SYT6: variants seen among roughly 807,000 people sequenced by gnomAD.
SYT6 encodes the protein synaptotagmin 6, also known as synaptotagmin-6.
Under a neutral mutation model 38.4 loss-of-function variants are expected in SYT6, and 24 were observed. The ratio of observed to expected loss-of-function variants is 0.62; its 90% CI spans 0.45 to 0.88. The LOEUF is 0.88. Among genes scored for constraint, SYT6 ranks in the 40% least tolerant of loss-of-function variants. The probability of loss-of-function intolerance (pLI) is 0.00; values close to 1 mark genes in which losing one functional copy is unlikely to be tolerated. For synonymous variants in SYT6, 265 were observed against 241.9 expected (o/e 1.10, Z -0.89); for missense variants, 611 against 621.0 (o/e 0.98, Z 0.17).
intron 1 of SYT6, among the ~76,000 whole-genome samples, chr1:114,149,624 T>A (rs1679343711): frequency 6.6e-6 from 1 of 152,126 alleles, no homozygotes; most frequent in African/African-American, 2.4e-5. Context: ...GGCACTAATT[T>A]AACAATTATT....
intron 3 of SYT6, among the ~76,000 whole-genome samples, chr1:114,128,437 C>T (rs908068684): frequency 5.9e-5 from 9 of 152,206 alleles, no homozygotes; most frequent in African/African-American, 2.2e-4. Flanking sequence ...TAAGCTATGG[C>T]CCATATATGG....
chr1:114,145,575 G>A (rs1222144439), intron 1 of SYT6, among the ~76,000 whole-genome samples: 2 of 146,840 alleles, frequency 1.4e-5, no homozygotes, highest in Admixed American at 6.9e-5. Flanking sequence ...TCTTTCTTCA[G>A]GTCTTTATCC....
chr1:114,120,212 AC>A (rs1677307940), intron 3 of SYT6, among the ~76,000 whole-genome samples: 1 of 152,230 alleles, frequency 6.6e-6, no homozygotes, highest in Non-Finnish European at 1.5e-5. Context: ...GAATTCAAAG[AC>A]CACACTATGA....
chr1:114,097,948 G>C (rs775250027), intron 5 of SYT6, 71 bp from the exon 6 acceptor site: 13 of 1,573,142 alleles, frequency 8.3e-6, no homozygotes, highest in Non-Finnish European at 1.1e-5. Flanking sequence ...CAGTGTGGGG[G>C]GTGGTAGGAC....
At chr1:114,117,793 TG>T (rs1168479339) in intron 3 of SYT6, among the ~76,000 whole-genome samples, 2 of 152,218 alleles carry the variant, frequency 1.3e-5, no homozygotes, top group East Asian at 3.8e-4. Context: ...TAGAATGATA[TG>T]GGGCAAGTCA....
At chr1:114,153,163 G>A (rs1052503261) in intron 1 of SYT6, among the ~76,000 whole-genome samples, 5 of 152,210 alleles carry the variant, frequency 3.3e-5, no homozygotes, top group African/African-American at 1.2e-4. Context: ...ACACACAAAC[G>A]GACGGACAGA....
chr1:114,151,018 G>A (rs1330307750), intron 1 of SYT6, among the ~76,000 whole-genome samples: 1 of 152,152 alleles, frequency 6.6e-6, no homozygotes, highest in African/African-American at 2.4e-5. Flanking sequence ...GGTAAACAGA[G>A]CTGGGCCTGC....
chr1:114,090,286 G>A lies in SYT6; in HGVS notation c.*1848C>T, dbSNP rs765494504. 5 of 152,356 alleles carry A rather than the reference G, an allele frequency of 3.3e-5. No homozygotes were observed. The highest frequency in any genetic ancestry group is 6.5e-5 in the Admixed American group (1 of 15,292). The allele number at this position is 152,356 out of a possible 1,614,324, so 9.4% of individuals were successfully genotyped here. A position where few individuals can be genotyped will look rare whatever the true frequency, so the allele number is the denominator to read the frequency against. The stretch of plus-strand genomic sequence containing the variant: ...AATGTAGGACTACCAGACTAGGAAG[G>A]CCTGTCAATGACAAGATATCTGGGG... On this transcript the variant is annotated 3_prime_UTR_variant, in exon 8 of 8. Transcript: ENST00000610222.
chr1:114,148,087 C>A (rs979297654), intron 1 of SYT6, among the ~76,000 whole-genome samples: 12 of 152,150 alleles, frequency 7.9e-5, no homozygotes, highest in African/African-American at 2.9e-4. Flanking sequence ...ATGAGACTGT[C>A]TGGTTGGGGT....
At chr1:114,148,579 C>T (rs1053599847) in intron 1 of SYT6, among the ~76,000 whole-genome samples, 4 of 152,072 alleles carry the variant, frequency 2.6e-5, no homozygotes, top group East Asian at 1.9e-4. Flanking sequence ...GAGCAAGTGA[C>T]GCAGAGGCCC....
At chr1:114,152,428 C>G (rs1679490134) in intron 1 of SYT6, 1 of 152,550 alleles carries the variant, frequency 6.6e-6, no homozygotes, top group Admixed American at 6.5e-5. Flanking sequence ...GGAACCCCGG[C>G]GTCCTGGTCC....
At chr1:114,113,729 C>A (rs542140596) in intron 3 of SYT6, among the ~76,000 whole-genome samples, 1 of 152,194 alleles carries the variant, frequency 6.6e-6, no homozygotes, top group East Asian at 1.9e-4. Context: ...AGCCTACCCC[C>A]CTGCCAGCAT....
chr1:114,126,719 T>C (rs1038677079), intron 3 of SYT6, among the ~76,000 whole-genome samples: 14 of 152,216 alleles, frequency 9.2e-5, no homozygotes, highest in Non-Finnish European at 1.9e-4. Flanking sequence ...TAGATATTTA[T>C]TCCATCCAAA....
intron 3 of SYT6, among the ~76,000 whole-genome samples, chr1:114,107,285 A>T (rs1676383642): frequency 6.6e-6 from 1 of 152,136 alleles, no homozygotes; most frequent in African/African-American, 2.4e-5. Flanking sequence ...CCTCCAGGGG[A>T]GCAGTGACCC....
chr1:114,126,419 A>G (rs1463308763), intron 3 of SYT6, among the ~76,000 whole-genome samples: 1 of 152,198 alleles, frequency 6.6e-6, no homozygotes, highest in Non-Finnish European at 1.5e-5. Flanking sequence ...CTGCTGATCT[A>G]GGAAACTGCA....
chr1:114,119,407 C>T (rs531610053), intron 3 of SYT6, among the ~76,000 whole-genome samples: 18 of 152,282 alleles, frequency 1.2e-4, no homozygotes, highest in African/African-American at 2.4e-4. Context: ...CACTGGATGA[C>T]GATAAGGAAG....
chr1:114,093,372 G>C (rs946618041), intron 7 of SYT6, among the ~76,000 whole-genome samples: 20 of 152,128 alleles, frequency 1.3e-4, no homozygotes, highest in Non-Finnish European at 2.6e-4. Flanking sequence ...GGCTTCTTAG[G>C]ACTCCCTGTT....
At chr1:114,117,453 G>A (rs1215482619) in intron 3 of SYT6, among the ~76,000 whole-genome samples, 2 of 152,254 alleles carry the variant, frequency 1.3e-5, no homozygotes, top group Non-Finnish European at 2.9e-5. Flanking sequence ...CCCCATGGAT[G>A]TCTAAGTCAG....
chr1:114,118,834 AG>A (rs577986626), intron 3 of SYT6, among the ~76,000 whole-genome samples: 1 of 152,152 alleles, frequency 6.6e-6, no homozygotes, highest in African/African-American at 2.4e-5. Context: ...CGCTTCCTCA[AG>A]GGGGCAGGGT....
Sources: gnomAD v4.1 joint callset for allele counts (sites outside exome capture counted in the v4.1 genomes callset) on GRCh38, gnomAD v4.1.1 for gene constraint, MANE v1.5 for transcripts, NCBI Gene and HGNC (gene_info 2026-07-23, HGNC 2026-07-21) for gene names.